The following FLRT2 variants were observed in gnomAD, a reference collection of about 807,000 sequenced individuals.
FLRT2 encodes the protein fibronectin leucine rich transmembrane protein 2.
In FLRT2, 15 loss-of-function variants were observed where a neutral mutation model predicts 40.0. The ratio of observed to expected loss-of-function variants is 0.38; its 90% CI spans 0.25 to 0.58. The LOEUF is 0.58. Among genes scored for constraint, FLRT2 ranks in the 20% least tolerant of loss-of-function variants. FLRT2 has a pLI of 0.71. For missense variants in FLRT2, 726 were observed against 840.0 expected, an observed-to-expected ratio of 0.86 and a Z score of 1.68; for synonymous variants, 380 against 336.8, an observed-to-expected ratio of 1.13 and a Z score of -1.41.
chr14:85,621,460 T>A lies in FLRT2; in HGVS notation c.-55T>A, dbSNP rs1479707562. ...AGTCATTTTGATTTTGCTGTTTATT[T>A]TTTTTTTCTTTTTCTTTTTCCCACC... On this transcript the variant is annotated 5_prime_UTR_variant, in exon 2 of 2. Coordinates refer to ENST00000330753, the MANE Select transcript of FLRT2 (RefSeq NM_013231.6). 2.0e-6 allele frequency: 3 copies of A among 1,499,174 alleles called. No individual in the cohort carries two copies. Among genetic ancestry groups the A allele is most frequent in the Non-Finnish European group, 2.7e-6 (3 of 1,116,352 alleles). The allele number at this position is 1,499,174 out of a possible 1,614,324, so 92.9% of individuals were successfully genotyped here. A position where few individuals can be genotyped will look rare whatever the true frequency, so the allele number is the denominator to read the frequency against.
At chr14:85,557,951 C>A (rs894238428) in intron 1 of FLRT2, among the ~76,000 whole-genome samples, 1 of 151,514 alleles carries the variant, frequency 6.6e-6, no homozygotes, top group Non-Finnish European at 1.5e-5. Flanking sequence ...AAACTGGGAT[C>A]TTTTTCAGGA....
Position 85,626,907 on chromosome 14 carries a change from A to T in FLRT2, c.*3410A>T, listed in dbSNP as rs1338474227. On this transcript the variant is annotated 3_prime_UTR_variant, in exon 2 of 2. Coordinates refer to ENST00000330753, the MANE Select transcript of FLRT2 (RefSeq NM_013231.6). ...AGCACCTATCATAATGGTCTTAGTC[A>T]TTTCACACAAATCAGAACTTCCTTC... 1 of 167,114 alleles carries T rather than the reference A, an allele frequency of 6.0e-6. No individual in the cohort carries two copies. The highest frequency in any genetic ancestry group is 1.5e-5 in the Non-Finnish European group (1 of 68,124). The allele number at this position is 167,114 out of a possible 1,614,324, so 10.4% of individuals were successfully genotyped here.
In FLRT2 at chr14:85,645,492, G is replaced by C. The variant is rs146489185; in HGVS notation, c.*21995G>C. On this transcript the variant is annotated 3_prime_UTR_variant, in exon 2 of 2. Transcript: ENST00000330753. ...GAAACTTCCAAGTGAGCAGGTCTTT[G>C]AATGGTACATCTATTTGTTCACTCT... The C allele has an allele frequency of 2.8e-4, 43 of 152,110 alleles. No individual in the cohort carries two copies. Among genetic ancestry groups the C allele is most frequent in the African/African-American group, 1.0e-3 (42 of 41,522 alleles). 9.4% of individuals were successfully genotyped at this position (152,110 alleles called of 1,614,324 possible).
At chr14:85,541,247 A>C (rs1258827269) in intron 1 of FLRT2, among the ~76,000 whole-genome samples, 2 of 152,194 alleles carry the variant, frequency 1.3e-5, no homozygotes, top group Non-Finnish European at 2.9e-5. Flanking sequence ...TCACCAAATG[A>C]AGAAAGCTTG....
intron 1 of FLRT2, among the ~76,000 whole-genome samples, chr14:85,553,340 C>T (rs1416273700): frequency 6.6e-6 from 1 of 152,136 alleles, no homozygotes. Context: ...AATCCACGTG[C>T]TCTCTCAGTG....
intron 1 of FLRT2, among the ~76,000 whole-genome samples, chr14:85,606,261 G>A (rs1892609019): frequency 6.6e-6 from 1 of 152,166 alleles, no homozygotes; most frequent in Admixed American, 6.5e-5. Flanking sequence ...TATGTCATGG[G>A]CTGGTGTATT....
chr14:85,538,516 G>T (rs192071346), intron 1 of FLRT2, among the ~76,000 whole-genome samples: 1 of 146,852 alleles, frequency 6.8e-6, no homozygotes, highest in South Asian at 2.3e-4. Context: ...CTTGGAAAAA[G>T]GTCTTCTGTT....
Position 85,644,950 on chromosome 14 carries a change from T to C in FLRT2, c.*21453T>C, listed in dbSNP as rs886158962. 2 of 152,048 alleles carry C rather than the reference T, an allele frequency of 1.3e-5. No individual in the cohort carries two copies. The highest frequency in any genetic ancestry group is 1.5e-5 in the Non-Finnish European group (1 of 67,994). 9.4% of individuals were successfully genotyped at this position (152,048 alleles called of 1,614,324 possible). On this transcript the variant is annotated 3_prime_UTR_variant, in exon 2 of 2. Coordinates refer to ENST00000330753, the MANE Select transcript of FLRT2 (RefSeq NM_013231.6). ...GCTCTGTGGTTCTGAAGCAAAATCA[T>C]GCTTTCTTTCTTAGATTATTAATCT...
intron 1 of FLRT2, among the ~76,000 whole-genome samples, chr14:85,532,343 A>G (rs1239322082): frequency 6.6e-6 from 1 of 152,230 alleles, no homozygotes; most frequent in Non-Finnish European, 1.5e-5. Context: ...TTACAACATG[A>G]CAGCAACTTA....
chr14:85,579,796 A>G (rs1225043312), intron 1 of FLRT2, among the ~76,000 whole-genome samples: 2 of 152,172 alleles, frequency 1.3e-5, no homozygotes, highest in Non-Finnish European at 2.9e-5. Context: ...AAGGGCTTAC[A>G]GGGCAAAAAT....
chr14:85,562,789 A>G (rs1270452644), intron 1 of FLRT2: 1 of 152,060 alleles, frequency 6.6e-6, no homozygotes, highest in East Asian at 1.9e-4. Context: ...ATTGAACAGT[A>G]TAAACAACAA....
intron 1 of FLRT2, among the ~76,000 whole-genome samples, chr14:85,533,765 T>C (rs1414889592): frequency 1.3e-5 from 2 of 151,540 alleles, no homozygotes; most frequent in Non-Finnish European, 2.9e-5. Context: ...CGAGGCGAGC[T>C]GGGCGCCCCG....
At chr14:85,611,918 G>GGT (rs1892890813) in intron 1 of FLRT2, among the ~76,000 whole-genome samples, 1 of 8,858 alleles carries the variant, frequency 1.1e-4, no homozygotes, top group Non-Finnish European at 2.3e-4. Flanking sequence ...GCGCGAAAGC[G>GGT]TGTGTGTGTG....
At chr14:85,612,296 G>C (rs963883531) in intron 1 of FLRT2, among the ~76,000 whole-genome samples, 2 of 152,222 alleles carry the variant, frequency 1.3e-5, no homozygotes, top group East Asian at 1.9e-4. Flanking sequence ...GGATCTGCCT[G>C]TATGTTTAAA....
At position 85,648,680 on chromosome 14, in the gene FLRT2, A is replaced by C. The variant is rs1894363880; in HGVS notation, c.*25183A>C. ...TTCCCTAAATACCTAGGTAGGTTTTATTTCCTAAACTGGACCTCTTACCAA... is the reference window on the plus strand; with the variant it reads ...TTCCCTAAATACCTAGGTAGGTTTTCTTTCCTAAACTGGACCTCTTACCAA... On this transcript the variant is annotated 3_prime_UTR_variant, in exon 2 of 2. Transcript: ENST00000330753. The C allele has an allele frequency of 6.6e-6, 1 of 151,980 alleles. No individual in the cohort carries two copies. The highest frequency in any genetic ancestry group is 2.4e-5 in the African/African-American group (1 of 41,358). 9.4% of individuals were successfully genotyped at this position (151,980 alleles called of 1,614,324 possible). A position where few individuals can be genotyped will look rare whatever the true frequency, so the allele number is the denominator to read the frequency against.
At chr14:85,536,993 C>T (rs528505180) in intron 1 of FLRT2, among the ~76,000 whole-genome samples, 123 of 152,268 alleles carry the variant, frequency 8.1e-4, no homozygotes, top group African/African-American at 2.6e-3. Context: ...GCTTACATAA[C>T]AAGGGAAACT....
intron 1 of FLRT2, among the ~76,000 whole-genome samples, chr14:85,589,050 G>A (rs1447419701): frequency 1.3e-5 from 2 of 152,122 alleles, no homozygotes; most frequent in African/African-American, 2.4e-5. Flanking sequence ...TGTGAACAGT[G>A]CTGCAACAAA....
chr14:85,647,169 T>C lies in FLRT2; in HGVS notation c.*23672T>C, dbSNP rs1894326360. 1 of 152,178 alleles carries C rather than the reference T, an allele frequency of 6.6e-6. No homozygotes were observed. The highest frequency in any genetic ancestry group is 2.4e-5 in the African/African-American group (1 of 41,460). The allele number at this position is 152,178 out of a possible 1,614,324, so 9.4% of individuals were successfully genotyped here. On this transcript the variant is annotated 3_prime_UTR_variant, in exon 2 of 2. Transcript: ENST00000330753. ...GTATGAAGGTGCCTGAGGTACCCCA[T>C]GTATATATAGCATGTTATGAATGTT...
rs145046960 is a variant in FLRT2 at position 85,567,905 on chromosome 14, C to T, written c.-377+37371C>T. ...CCTCCCACCTCGGCCTCCCAAAGTG[C>T]GGGATTATAAGCGTGAGCCACCGCG... On this transcript the variant is annotated intron_variant, in intron 1 of 1. Coordinates refer to ENST00000330753, the MANE Select transcript of FLRT2 (RefSeq NM_013231.6). Among the ~76,000 whole-genome samples, 234 of 152,004 alleles carry T rather than the reference C, an allele frequency of 1.5e-3. 1 individual carries two copies. Among genetic ancestry groups the T allele is most frequent in the Admixed American group, 2.6e-3 (40 of 15,266 alleles).
Sources: allele counts gnomAD v4.1 joint callset (sites outside exome capture counted in the v4.1 genomes callset), GRCh38; gene constraint gnomAD v4.1.1; transcripts MANE v1.5; gene names NCBI Gene and HGNC (gene_info 2026-07-23, HGNC 2026-07-21).